Variants in MAGEA11 observed in about 807,000 individuals in gnomAD.
MAGEA11 encodes melanoma-associated antigen 11.
MAGEA11 carries 1 observed loss-of-function variant against 8.4 expected under a neutral mutation model. That is an observed-to-expected ratio of 0.12 (90% CI 0.04 to 0.57). MAGEA11 has a LOEUF of 0.57. Ranked by LOEUF, MAGEA11 falls within the 20% of genes least tolerant of loss-of-function variation. The pLI, the probability that MAGEA11 is intolerant of heterozygous loss-of-function variation, is 0.91. For missense variants in MAGEA11, 209 were observed against 317.3 expected (o/e 0.66, Z 2.59); for synonymous variants, 127 against 119.3 (o/e 1.06, Z -0.42).
At chrX:149,707,980 G>T (rs1251007307), upstream of MAGEA11, among the ~76,000 whole-genome samples, 1 of 112,252 alleles carries the variant, frequency 8.9e-6, no homozygotes, top group African/African-American at 3.2e-5. Flanking sequence ...GTTTTTGTTT[G>T]TTCAATTGTT....
At chrX:149,690,805 C>T (rs1178700092) in intron 1 of MAGEA11, among the ~76,000 whole-genome samples, 2 of 111,533 alleles carry the variant, frequency 1.8e-5, no homozygotes, top group Non-Finnish European at 3.8e-5. Flanking sequence ...GGAGGACTTA[C>T]TTTAACATTT....
upstream of MAGEA11, chrX:149,688,691 CATATACATATACAT>C (rs2090297635): frequency 5.0e-6 from 1 of 200,415 alleles, no homozygotes; most frequent in African/African-American, 3.0e-5. Flanking sequence ...TATACATATA[CATATACATATACAT>C]ATACACATAC....
At chrX:149,701,165 A>G (rs2090351496) in intron 1 of MAGEA11, among the ~76,000 whole-genome samples, 1 of 110,985 alleles carries the variant, frequency 9.0e-6, no homozygotes, top group Non-Finnish European at 1.9e-5. Flanking sequence ...GGGTTGAACT[A>G]GGTTACAGTC....
chrX:149,697,928 C>T (rs782624636), intron 1 of MAGEA11, among the ~76,000 whole-genome samples: 6 of 111,972 alleles, frequency 5.4e-5, no homozygotes. Flanking sequence ...ACTTTTCTTT[C>T]CTGCCACCTT....
At chrX:149,693,901 T>C (rs1301459599) in intron 1 of MAGEA11, among the ~76,000 whole-genome samples, 6 of 112,436 alleles carry the variant, frequency 5.3e-5, no homozygotes, top group African/African-American at 1.9e-4. Context: ...GTATCAGCAC[T>C]TCATTTTTTT....
At chrX:149,708,093 C>G (rs5983889), upstream of MAGEA11, among the ~76,000 whole-genome samples, 1 of 112,002 alleles carries the variant, frequency 8.9e-6, no homozygotes, top group Non-Finnish European at 1.9e-5. Context: ...TGGATAGTTT[C>G]TTTTGCTGAG....
intron 1 of MAGEA11, among the ~76,000 whole-genome samples, chrX:149,701,924 A>G (rs1176435640): frequency 9.0e-6 from 1 of 111,664 alleles, no homozygotes; most frequent in Non-Finnish European, 1.9e-5. Flanking sequence ...CCATTGATCT[A>G]TATCTCTGTT....
At chrX:149,691,464 A>G (rs1465054931) in intron 1 of MAGEA11, among the ~76,000 whole-genome samples, 2 of 111,738 alleles carry the variant, frequency 1.8e-5, no homozygotes, top group African/African-American at 3.2e-5. Context: ...TTTCTATAAA[A>G]TATTATTGGG....
intron 1 of MAGEA11, among the ~76,000 whole-genome samples, chrX:149,689,982 T>C (rs1418512726): frequency 8.9e-6 from 1 of 112,221 alleles, no homozygotes; most frequent in Non-Finnish European, 1.9e-5. Context: ...GGATCTTCCT[T>C]AGTGTTGGCC....
chrX:149,716,612 G>A lies in MAGEA11; in HGVS notation c.1126G>A (p.Gly376Ser), dbSNP rs782228933. 5.0e-6 allele frequency: 6 copies of A among 1,211,615 alleles called. No homozygotes were observed. The South Asian group carries it at 7.0e-5, about 14-fold the overall frequency. ...GTACCTGGTGTACCGGCAGGTGCCC[G>A]GCACTGATCCTGCATGCTATGAGTT... Reference protein sequence around the residue: ...EKYLVYRQVPGTDPACYEFLW... With the variant: ...EKYLVYRQVPSTDPACYEFLW... The change falls in exon 5 of 5, where the codon GGC (glycine) becomes AGC (serine). Residue 376 changes from glycine (G) to serine (S), a missense_variant. Gly to Ser is a moderately conservative substitution (Grantham distance 56). Transcript: ENST00000355220.
intron 1 of MAGEA11, among the ~76,000 whole-genome samples, chrX:149,698,734 C>T (rs781789239): frequency 9.0e-6 from 1 of 111,570 alleles, no homozygotes; most frequent in Non-Finnish European, 1.9e-5. Flanking sequence ...GTATTAAACT[C>T]AGCATGCATT....
chrX:149,698,125 T>C (rs1299045856), intron 1 of MAGEA11, among the ~76,000 whole-genome samples: 10 of 112,295 alleles, frequency 8.9e-5, no homozygotes, highest in Non-Finnish European at 1.9e-4. Flanking sequence ...AGAGATGGTT[T>C]CATTTTTTTC....
intron 1 of MAGEA11, among the ~76,000 whole-genome samples, chrX:149,697,164 G>A (rs1011378272): frequency 9.1e-6 from 1 of 110,011 alleles, no homozygotes; most frequent in Non-Finnish European, 1.9e-5. Flanking sequence ...CAGACCCCAA[G>A]CACCACACCC....
At chrX:149,713,464 G>A in intron 2 of MAGEA11, 1 of 356,249 alleles carries the variant, frequency 2.8e-6, no homozygotes, top group Admixed American at 5.7e-5. Context: ...GTCCTTGGAG[G>A]CCCCAAGCAG....
In MAGEA11 at chrX:149,699,517, A is replaced by T. The variant is rs1300705930; in HGVS notation, c.9+10533A>T. On this transcript the variant is annotated intron_variant, in intron 1 of 3. Coordinates refer to the MAGEA11 transcript ENST00000333104. ...AGAGATATTAGGCTGTCAGATAAGC[A>T]CACTTATTGAAGCTGTGCAACAAAG... Among the ~76,000 whole-genome samples the T allele has an allele frequency of 3.6e-5, 4 of 111,830 alleles. No individual in the cohort carries two copies. The East Asian group carries it at 1.1e-3, about 31-fold the overall frequency.
intron 1 of MAGEA11, among the ~76,000 whole-genome samples, chrX:149,702,929 A>G (rs1372442529): frequency 8.9e-6 from 1 of 111,958 alleles, no homozygotes; most frequent in African/African-American, 3.2e-5. Context: ...ATAGTATACA[A>G]TGGGTTTGTT....
At position 149,715,468 on chromosome X, in the gene MAGEA11, T is replaced by G. The variant is rs375192479; in HGVS notation, c.193-136T>G. The G allele has an allele frequency of 3.0e-5, 14 of 466,697 alleles. No homozygotes were observed. The East Asian group carries it at 3.6e-4, about 12-fold the overall frequency. 38.5% of individuals were successfully genotyped at this position (466,697 alleles called of 1,213,427 possible). A position where few individuals can be genotyped will look rare whatever the true frequency, so the allele number is the denominator to read the frequency against. On this transcript the variant is annotated intron_variant, in intron 3 of 4. Coordinates refer to ENST00000355220, the MANE Select transcript of MAGEA11 (RefSeq NM_005366.5). The stretch of plus-strand genomic sequence containing the variant: ...GTCAAGATGAGATGTTCACCCTTAA[T>G]CTACAAATGGCCCCACCTGCCCCAG...
intron 1 of MAGEA11, among the ~76,000 whole-genome samples, chrX:149,691,324 A>G (rs1557360122): frequency 1.8e-5 from 2 of 110,984 alleles, no homozygotes; most frequent in African/African-American, 6.6e-5. Context: ...TACAATCTCT[A>G]TTATCAGTGT....
intron 4 of MAGEA11, 31 bp from the exon 5 acceptor site, chrX:149,715,722 G>A: frequency 2.5e-6 from 3 of 1,199,865 alleles, no homozygotes; most frequent in Non-Finnish European, 3.4e-6. Flanking sequence ...TATCTCATCT[G>A]AGTCTGTTCT....
Sources: allele counts gnomAD v4.1 joint callset (sites outside exome capture counted in the v4.1 genomes callset), GRCh38; gene constraint gnomAD v4.1.1; transcripts MANE v1.5; gene names NCBI Gene and HGNC (gene_info 2026-07-23, HGNC 2026-07-21).